RYR2: variants seen among roughly 807,000 people sequenced by gnomAD.
RYR2 encodes ryanodine receptor 2, also known as cardiac muscle ryanodine receptor-calcium release channel.
Under a neutral mutation model 601.1 loss-of-function variants are expected in RYR2, and 227 were observed. That is an observed-to-expected ratio of 0.38 (90% CI 0.34 to 0.42). RYR2 has a LOEUF of 0.42. Among genes scored for constraint, RYR2 ranks in the 10% least tolerant of loss-of-function variants. RYR2 has a pLI of 1.00. For missense variants in RYR2, 4,646 were observed against 6,156.5 expected (o/e 0.75, Z 8.21); for synonymous variants, 2,223 against 2,175.1 (o/e 1.02, Z -0.61).
chr1:237,174,988 T>G (rs1047120089), intron 1 of RYR2, among the ~76,000 whole-genome samples: 1 of 152,228 alleles, frequency 6.6e-6, no homozygotes, highest in Admixed American at 6.5e-5. Flanking sequence ...CCTCCAGATT[T>G]TAAGCGTGTT....
intron 24 of RYR2, among the ~76,000 whole-genome samples, chr1:237,528,107 G>A (rs1667769280): frequency 6.6e-6 from 1 of 152,128 alleles, no homozygotes; most frequent in African/African-American, 2.4e-5. Flanking sequence ...AATTAAAGAT[G>A]CTGGCAATTT....
chr1:237,130,510 G>A (rs1475942157), intron 1 of RYR2, among the ~76,000 whole-genome samples: 2 of 152,012 alleles, frequency 1.3e-5, no homozygotes, highest in African/African-American at 4.8e-5. Flanking sequence ...TCAGGAGTTC[G>A]AGACCAGCCT....
At chr1:237,655,572 C>T (rs1359686227) in intron 52 of RYR2, among the ~76,000 whole-genome samples, 1 of 152,080 alleles carries the variant, frequency 6.6e-6, no homozygotes, top group African/African-American at 2.4e-5. Context: ...ACTTCATTTC[C>T]AGTGTGTTGG....
intron 29 of RYR2, among the ~76,000 whole-genome samples, chr1:237,587,767 G>C (rs1674694946): frequency 6.6e-6 from 1 of 152,088 alleles, no homozygotes; most frequent in African/African-American, 2.4e-5. Context: ...CAAATATGCA[G>C]AAAAGTTTAG....
At chr1:237,651,305 T>G in intron 50 of RYR2, 106 bp from the exon 51 acceptor site, 1 of 747,388 alleles carries the variant, frequency 1.3e-6, no homozygotes, top group Non-Finnish European at 2.4e-6. Context: ...CCATCTGAAG[T>G]GAGGTATAGA....
At chr1:237,730,388 A>C (rs1241208905) in intron 77 of RYR2, 32 bp downstream of exon 77, 1 of 1,197,986 alleles carries the variant, frequency 8.3e-7, no homozygotes, top group Admixed American at 1.7e-5. Context: ...AAGATGAAAG[A>C]GGGTCTAGGC....
intron 58 of RYR2, among the ~76,000 whole-genome samples, chr1:237,669,870 C>T (rs1369508017): frequency 2.0e-5 from 3 of 152,056 alleles, no homozygotes; most frequent in Non-Finnish European, 4.4e-5. Flanking sequence ...AGACGCTCCT[C>T]ACTTCCCAGA....
At position 237,501,172 on chromosome 1, in the gene RYR2, G is replaced by GTTTT. The variant is rs58106054; in HGVS notation, c.2396+283_2396+286dup. On this transcript the variant is annotated intron_variant, in intron 21 of 104. Coordinates refer to ENST00000366574, the MANE Select transcript of RYR2 (RefSeq NM_001035.3). ...CCAGGGTCCTGAACTATTTCAAGGTGTTTTTTTTTTTTTTTTTAGTTCATT... is the reference window on the plus strand; with the variant it reads ...CCAGGGTCCTGAACTATTTCAAGGTGTTTTTTTTTTTTTTTTTTTTTAGTTCATT... Among the ~76,000 whole-genome samples, 1,172 of 128,006 alleles carry GTTTT rather than the reference G, an allele frequency of 9.2e-3. 27 individuals carry two copies. Among genetic ancestry groups the GTTTT allele is most frequent in the African/African-American group, 0.032 (1,140 of 36,074 alleles). The allele number at this position is 128,006 out of a possible 152,430, so 84.0% of individuals were successfully genotyped here.
intron 6 of RYR2, among the ~76,000 whole-genome samples, chr1:237,370,523 G>A (rs940028157): frequency 2.0e-5 from 3 of 152,260 alleles, no homozygotes; most frequent in Non-Finnish European, 4.4e-5. Context: ...GGAGGAAGAG[G>A]AGGAACTGGT....
intron 2 of RYR2, among the ~76,000 whole-genome samples, chr1:237,299,763 TGTG>T (rs1553388400): frequency 1.3e-5 from 2 of 152,208 alleles, no homozygotes; most frequent in Non-Finnish European, 2.9e-5. Flanking sequence ...TCACAGCACA[TGTG>T]GTGCTGTTAT....
At chr1:237,044,869 C>G (rs1049462811) in intron 1 of RYR2, among the ~76,000 whole-genome samples, 1 of 151,162 alleles carries the variant, frequency 6.6e-6, no homozygotes, top group Non-Finnish European at 1.5e-5. Context: ...ATAGTTCCCA[C>G]ATTGAAGTCG....
At chr1:237,545,753 TA>T (rs57471366) in intron 25 of RYR2, among the ~76,000 whole-genome samples, 9,052 of 127,904 alleles carry the variant, frequency 0.071, 562 homozygotes, top group African/African-American at 0.19. Context: ...TCTTGAAAAA[TA>T]AAAAAAAAAA....
chr1:237,714,207 A>C (rs1277821680), intron 71 of RYR2, among the ~76,000 whole-genome samples: 1 of 152,210 alleles, frequency 6.6e-6, no homozygotes, highest in Non-Finnish European at 1.5e-5. Flanking sequence ...GGCTTGTAAA[A>C]TCAGAATAAT....
intron 1 of RYR2, among the ~76,000 whole-genome samples, chr1:237,247,998 G>C (rs1302526361): frequency 6.6e-6 from 1 of 152,144 alleles, no homozygotes; most frequent in South Asian, 2.1e-4. Context: ...CATTGGCCGG[G>C]CACGGTGGCT....
intron 1 of RYR2, among the ~76,000 whole-genome samples, chr1:237,183,509 C>T (rs114696865): frequency 2.8e-3 from 430 of 152,202 alleles, no homozygotes; most frequent in African/African-American, 6.4e-3. Flanking sequence ...AGGAAAGACA[C>T]GGGCATGGAA....
chr1:237,545,529 G>A (rs1261478293), intron 25 of RYR2, among the ~76,000 whole-genome samples: 1 of 152,184 alleles, frequency 6.6e-6, no homozygotes, highest in Non-Finnish European at 1.5e-5. Flanking sequence ...CAAGGCTGCT[G>A]AAAAGTGAAA....
intron 96 of RYR2, among the ~76,000 whole-genome samples, chr1:237,797,276 G>A (rs1558437395): frequency 6.6e-6 from 1 of 151,974 alleles, no homozygotes; most frequent in South Asian, 2.1e-4. Context: ...GGAAGCTGAA[G>A]GGGATTGTTA....
chr1:237,456,866 C>A, intron 16 of RYR2, 131 bp downstream of exon 16: 1 of 1,008,900 alleles, frequency 9.9e-7, no homozygotes, highest in Non-Finnish European at 1.4e-6. Context: ...CATTTGAGGC[C>A]AGGAATTTGA....
chr1:237,717,132 G>A, intron 71 of RYR2, 66 bp from the exon 72 acceptor site: 2 of 1,401,298 alleles, frequency 1.4e-6, no homozygotes, highest in Non-Finnish European at 2.0e-6. Context: ...AGTTAGGGAA[G>A]AGTCATAGTG....
Sources: allele counts gnomAD v4.1 joint callset (sites outside exome capture counted in the v4.1 genomes callset), GRCh38; gene constraint gnomAD v4.1.1; transcripts MANE v1.5; gene names NCBI Gene and HGNC (gene_info 2026-07-23, HGNC 2026-07-21).